The following ABL1 variants were observed in gnomAD, a reference collection of about 807,000 sequenced individuals.
ABL1 encodes ABL proto-oncogene 1, non-receptor tyrosine kinase, also known as tyrosine-protein kinase ABL1.
ABL1 carries 11 observed loss-of-function variants against 94.7 expected under a neutral mutation model. The ratio of observed to expected loss-of-function variants is 0.12; its 90% confidence interval spans 0.07 to 0.19. The LOEUF (loss-of-function observed/expected upper bound fraction) is 0.19, where lower values mean the gene tolerates loss of function less well. Ranked by LOEUF, ABL1 falls within the 10% of genes least tolerant of loss-of-function variation. The probability of loss-of-function intolerance (pLI) is 1.00; values close to 1 mark genes in which losing one functional copy is unlikely to be tolerated. For synonymous variants in ABL1, 656 were observed against 622.4 expected (o/e 1.05, Z -0.80); for missense variants, 1,082 against 1,489.4 (o/e 0.73, Z 4.50).
intron 10 of ABL1, among the ~76,000 whole-genome samples, 151 bp from the exon 11 acceptor site, chr9:130,883,814 TTTTG>T (rs544947423): frequency 9.0e-4 from 137 of 152,238 alleles, no homozygotes; most frequent in Middle Eastern, 3.4e-3. Flanking sequence ...TTGACAATTT[TTTTG>T]TTTGTTTGTT....
At chr9:130,765,599 T>C (rs1454384724) in intron 1 of ABL1, among the ~76,000 whole-genome samples, 2 of 152,228 alleles carry the variant, frequency 1.3e-5, no homozygotes, top group African/African-American at 4.8e-5. Flanking sequence ...GAAGGTCTAC[T>C]GGGTACGTCA....
intron 1 of ABL1, among the ~76,000 whole-genome samples, chr9:130,737,411 G>C (rs767978571): frequency 2.0e-5 from 3 of 151,522 alleles, no homozygotes; most frequent in Non-Finnish European, 4.4e-5. Context: ...GGGACTACAC[G>C]TGTGCACTAC....
intron 1 of ABL1, among the ~76,000 whole-genome samples, chr9:130,742,246 AGT>A (rs1226955695): frequency 6.6e-6 from 1 of 152,190 alleles, no homozygotes; most frequent in Non-Finnish European, 1.5e-5. Flanking sequence ...TATGCTCAGC[AGT>A]GAGTCACGTG....
At chr9:130,761,622 A>C (rs963316222) in intron 1 of ABL1, among the ~76,000 whole-genome samples, 1 of 152,224 alleles carries the variant, frequency 6.6e-6, no homozygotes, top group African/African-American at 2.4e-5. Flanking sequence ...TTTCCGCATC[A>C]CGCGTGGTGC....
At chr9:130,779,451 T>G (rs1011292534) in intron 1 of ABL1, among the ~76,000 whole-genome samples, 17 of 152,232 alleles carry the variant, frequency 1.1e-4, no homozygotes, top group Admixed American at 1.0e-3. Flanking sequence ...GGCTTGCTGA[T>G]TTATGGCATA....
At chr9:130,834,179 T>A (rs998397794), upstream of ABL1, 2 of 437,014 alleles carry the variant, frequency 4.6e-6, no homozygotes, top group South Asian at 3.2e-5. Context: ...GCAGATGCAA[T>A]ACAGTTAATG....
chr9:130,741,448 A>C lies in ABL1; in HGVS notation c.136+26993A>C, dbSNP rs1831817009. ...GTAACAGTTACCGCACTGATGCACC[A>C]GTTACCATGCCAGAGTAACAATTAT... On this transcript the variant is annotated intron_variant, in intron 1 of 10. Transcript: ENST00000372348. Among the ~76,000 whole-genome samples the C allele has an allele frequency of 2.0e-5, 3 of 151,732 alleles. No individual in the cohort carries two copies. The South Asian group carries it at 6.2e-4, about 32-fold the overall frequency.
At chr9:130,844,001 T>C (rs1290224106) in intron 1 of ABL1, among the ~76,000 whole-genome samples, 1 of 152,142 alleles carries the variant, frequency 6.6e-6, no homozygotes, top group African/African-American at 2.4e-5. Flanking sequence ...TGTCCCATGT[T>C]AGCTGCAAAC....
At chr9:130,824,443 T>G (rs1483684997) in intron 1 of ABL1, among the ~76,000 whole-genome samples, 2 of 152,188 alleles carry the variant, frequency 1.3e-5, no homozygotes, top group Non-Finnish European at 2.9e-5. Flanking sequence ...GTTCACCAAT[T>G]CAAATGCTAG....
At chr9:130,772,327 C>A (rs371208767) in intron 1 of ABL1, among the ~76,000 whole-genome samples, 5 of 152,256 alleles carry the variant, frequency 3.3e-5, no homozygotes, top group African/African-American at 1.2e-4. Flanking sequence ...ATTCCCTTGC[C>A]AAGTATTTAC....
At chr9:130,790,270 C>A (rs1181388044) in intron 1 of ABL1, among the ~76,000 whole-genome samples, 1 of 152,176 alleles carries the variant, frequency 6.6e-6, no homozygotes, top group Non-Finnish European at 1.5e-5. Context: ...GTGAGCCAGA[C>A]CTTCGCCTGT....
intron 4 of ABL1, among the ~76,000 whole-genome samples, chr9:130,866,703 G>A (rs928257409): frequency 6.6e-6 from 1 of 152,218 alleles, no homozygotes; most frequent in African/African-American, 2.4e-5. Context: ...CTGCAGATGG[G>A]AAGCTGGAAT....
intron 1 of ABL1, among the ~76,000 whole-genome samples, chr9:130,759,808 C>A (rs959473205): frequency 2.6e-5 from 4 of 152,030 alleles, no homozygotes; most frequent in Non-Finnish European, 1.5e-5. Flanking sequence ...TTTGTTTTTT[C>A]CTGAAACAGG....
chr9:130,743,357 GC>G (rs1831843938), intron 1 of ABL1, among the ~76,000 whole-genome samples: 1 of 152,206 alleles, frequency 6.6e-6, no homozygotes, highest in Non-Finnish European at 1.5e-5. Context: ...ACAGGTGTGA[GC>G]CACCACGCCC....
rs779995911 is a variant in ABL1 at position 130,884,103 on chromosome 9, A to G, written c.1813A>G (p.Lys605Glu). ...KKTNLFSALI[K>E]KKKKTAPTPP... Reference sequence around the variant, plus strand: ...GACCAACTTGTTCAGCGCCTTGATCAAGAAGAAGAAGAAGACAGCCCCAAC... The same window carrying G: ...GACCAACTTGTTCAGCGCCTTGATCGAGAAGAAGAAGAAGACAGCCCCAAC... The change falls in exon 11 of 11, where the codon AAG becomes GAG. Residue 605 changes from lysine (K) to glutamate (E), a missense_variant. By Grantham distance (56) the Lys-to-Glu change is moderately conservative (BLOSUM62 1). This residue lies in a region of ABL1 where 780 missense variants were observed against 835.8 expected (regional missense o/e 0.93). Transcript: ENST00000318560. This position sits in a 1 kb window ranked among gnomAD's most constrained non-coding sequence, Gnocchi z 5.6. 3 of 1,497,404 alleles carry G rather than the reference A, an allele frequency of 2.0e-6. No individual in the cohort carries two copies. The highest frequency in any genetic ancestry group is 1.8e-6 in the Non-Finnish European group (2 of 1,110,016). The allele number at this position is 1,497,404 out of a possible 1,614,324, so 92.8% of individuals were successfully genotyped here.
chr9:130,881,033 G>A (rs1027496625), intron 10 of ABL1, among the ~76,000 whole-genome samples: 35 of 152,236 alleles, frequency 2.3e-4, no homozygotes, highest in African/African-American at 8.4e-4. Context: ...GCAGCTCACG[G>A]TGAAGGCACT....
At chr9:130,768,152 A>G (rs1308095537) in intron 1 of ABL1, among the ~76,000 whole-genome samples, 1 of 150,860 alleles carries the variant, frequency 6.6e-6, no homozygotes, top group Non-Finnish European at 1.5e-5. Flanking sequence ...ACCCCCATAC[A>G]CTCCTATGTG....
chr9:130,798,719 G>GAGTGA (rs1830013411), intron 1 of ABL1, among the ~76,000 whole-genome samples: 1 of 151,982 alleles, frequency 6.6e-6, no homozygotes, highest in South Asian at 2.1e-4. Context: ...CTGTAATCCT[G>GAGTGA]GGACTTTGGG....
At chr9:130,833,980 T>TG, upstream of ABL1, 2 of 454,046 alleles carry the variant, frequency 4.4e-6, no homozygotes, top group South Asian at 3.1e-5. Flanking sequence ...AATTTATTCT[T>TG]GATGTGAAGG....
Sources: allele counts gnomAD v4.1 joint callset (sites outside exome capture counted in the v4.1 genomes callset), GRCh38; gene constraint gnomAD v4.1.1; regional missense constraint gnomAD v4.1.1; non-coding constraint Gnocchi (gnomAD v3.1); transcripts MANE v1.5; gene names NCBI Gene and HGNC (gene_info 2026-07-23, HGNC 2026-07-21).